SFTPA2: variants seen among roughly 807,000 people sequenced by gnomAD.
The protein encoded by SFTPA2 is pulmonary surfactant-associated protein A2.
A neutral mutation model predicts 20.3 loss-of-function variants in SFTPA2; 21 were observed. The observed-to-expected ratio is 1.03, with a 90% confidence interval of 0.73 to 1.49. The LOEUF is 1.49. Ranked by LOEUF, SFTPA2 falls within the 40% of genes most tolerant of loss-of-function variation. The pLI, the probability that SFTPA2 is intolerant of heterozygous loss-of-function variation, is 0.00. For missense variants in SFTPA2, 302 were observed against 314.8 expected (o/e 0.96, Z 0.31); for synonymous variants, 116 against 118.7 (o/e 0.98, Z 0.15).
In SFTPA2 at chr10:79,557,136, A is replaced by C; in HGVS notation, c.*73T>G. 1.2e-6 allele frequency: 2 copies of C among 1,612,712 alleles called. No individual in the cohort carries two copies. The highest frequency in any genetic ancestry group is 2.2e-5 in the South Asian group (2 of 90,894). ...TTGAAAGGGAGTTCTAGCATCTCAC[A>C]GACCAAGTGGATCCTGGGGATGGAA... On this transcript the variant is annotated 3_prime_UTR_variant, in exon 6 of 6. Coordinates refer to ENST00000372325, the MANE Select transcript of SFTPA2 (RefSeq NM_001098668.4).
In SFTPA2 at chr10:79,558,880, G is replaced by A; in HGVS notation, c.292+6C>T. 1 of 1,614,020 alleles carries A rather than the reference G, an allele frequency of 6.2e-7. No homozygotes were observed. On this transcript the variant is annotated splice_donor_region_variant and intron_variant, in intron 4 of 5. Coordinates refer to ENST00000372325, the MANE Select transcript of SFTPA2 (RefSeq NM_001098668.4). ...TTCCACTGCCCACCTGCCCCGCCCT[G>A]CTCACCTGGAGGGCCTCTCTCGCCA...
rs1010742102 is a variant in SFTPA2 at position 79,558,144 on chromosome 10, C to T, written c.293-15G>A. Reference sequence around the variant, plus strand: ...AGCTGGAAGCCCTGTGGAGAGTGCCCCACACAGAAGGAGGGGCAGGCCAGT... The same window carrying T: ...AGCTGGAAGCCCTGTGGAGAGTGCCTCACACAGAAGGAGGGGCAGGCCAGT... On this transcript the variant is annotated splice_polypyrimidine_tract_variant and intron_variant, in intron 4 of 5. Transcript: ENST00000372325. 2 of 1,613,798 alleles carry T rather than the reference C, an allele frequency of 1.2e-6. No individual in the cohort carries two copies. Among genetic ancestry groups the T allele is most frequent in the African/African-American group, 2.7e-5 (2 of 74,858 alleles).
At chr10:79,558,539 C>A (rs140077049) in intron 4 of SFTPA2, among the ~76,000 whole-genome samples, 5 of 151,596 alleles carry the variant, frequency 3.3e-5, no homozygotes, top group Non-Finnish European at 7.4e-5. Flanking sequence ...ACACCATCTG[C>A]CTGGATGCCT....
intron 5 of SFTPA2, 27 bp downstream of exon 5, chr10:79,558,025 C>T (rs1198031668): frequency 6.2e-7 from 1 of 1,613,928 alleles, no homozygotes. Context: ...AAACTCCTAC[C>T]CCGTGAGGCC....
rs1309418972 is a variant in SFTPA2 at position 79,555,959 on chromosome 10, G to A, written c.*1250C>T. 2 of 152,462 alleles carry A rather than the reference G, an allele frequency of 1.3e-5. No homozygotes were observed. The highest frequency in any genetic ancestry group is 4.1e-4 in the South Asian group (2 of 4,824). 9.4% of individuals were successfully genotyped at this position (152,462 alleles called of 1,614,324 possible). ...ATGAACTTCAGGTCCAGGAAGATGGGTTTGGATCCAGTCTTTGCCATTTGC... is the reference window on the plus strand; with the variant it reads ...ATGAACTTCAGGTCCAGGAAGATGGATTTGGATCCAGTCTTTGCCATTTGC... On this transcript the variant is annotated 3_prime_UTR_variant, in exon 6 of 6. Coordinates refer to ENST00000372325, the MANE Select transcript of SFTPA2 (RefSeq NM_001098668.4).
intron 5 of SFTPA2, 132 bp from the exon 6 acceptor site, chr10:79,557,717 T>C: frequency 9.1e-7 from 1 of 1,099,098 alleles, no homozygotes; most frequent in South Asian, 1.6e-5. Flanking sequence ...TCTCTTCCTC[T>C]TCCAATTGCA....
Position 79,557,050 on chromosome 10 carries a change from C to G in SFTPA2, c.*159G>C, listed in dbSNP as rs1293484372. 8.2e-7 allele frequency: 1 copy of G among 1,220,956 alleles called. No homozygotes were observed. Among genetic ancestry groups the G allele is most frequent in the Admixed American group, 2.1e-5 (1 of 46,984 alleles). 75.6% of individuals were successfully genotyped at this position (1,220,956 alleles called of 1,614,324 possible). ...AGTGATTATGGGGAAGAGTCAGGGC[C>G]CATCAGGGGAATGAAGTGGCTAAGG... On this transcript the variant is annotated 3_prime_UTR_variant, in exon 6 of 6. Transcript: ENST00000372325.
Position 79,557,517 on chromosome 10 carries a change from T to G in SFTPA2, c.439A>C (p.Thr147Pro), listed in dbSNP as rs1361601932. Residue 147 changes from threonine to proline, a missense_variant, in exon 6 of 6, where the codon ACT (threonine) becomes CCT (proline). Thr to Pro is a conservative substitution (Grantham distance 38). Around this residue, in one of 3 missense-constraint regions of SFTPA2, gnomAD observed 264 missense variants for 261.7 expected, o/e 1.01. Transcript: ENST00000372325. ...CATGCCTCCTGAATGGCATCAAAAG[T>G]GATGGACTGCCCATTGCTGGAGAAG... The part of the protein sequence containing the change: ...KVFSSNGQSI[T>P]FDAIQEACAR... The G allele has an allele frequency of 3.7e-6, 6 of 1,613,388 alleles. No homozygotes were observed. The South Asian group carries it at 5.5e-5, about 15-fold the overall frequency.
At chr10:79,560,107 G>T in intron 1 of SFTPA2, 109 bp from the exon 2 acceptor site, 1 of 875,342 alleles carries the variant, frequency 1.1e-6, no homozygotes, top group Non-Finnish European at 1.4e-6. Context: ...TTCCTCTTGG[G>T]GTCTGTTCTC....
chr10:79,559,388 G>T lies in SFTPA2; in HGVS notation c.96C>A (p.Ile32=), dbSNP rs1287373957. 4 of 1,613,648 alleles carry T rather than the reference G, an allele frequency of 2.5e-6. No individual in the cohort carries two copies. The highest frequency in any genetic ancestry group is 1.3e-5 in the African/African-American group (1 of 74,856). Residue 32 remains isoleucine (I), a synonymous_variant, in exon 3 of 6, where the codon ATC becomes ATA. Transcript: ENST00000372325. ...GGCCGTGGGATCCAGGAGTGCCGGG[G>T]ATACCAGGGCTTCCAACACAAACGT... ...VKDVCVGSPG[I]PGTPGSHGLP...
rs1975007 is a variant in SFTPA2, at chr10:79,559,727, A to G, written c.-23-221T>C. ...CGGCTGGAGGTTGTGGGGTCTCAAG[A>G]CTGCTGAGGAGGAGGAAGAGTAAGG... On this transcript the variant is annotated intron_variant, in intron 2 of 5. Coordinates refer to ENST00000372325, the MANE Select transcript of SFTPA2 (RefSeq NM_001098668.4). 1,464,764 of 1,545,498 alleles carry G rather than the reference A, an allele frequency of 0.95. 695,337 individuals are homozygous for G. Among genetic ancestry groups the G allele is most frequent in the East Asian group, 1 (40,849 of 40,872 alleles).
At position 79,557,178 on chromosome 10, in the gene SFTPA2, G is replaced by T. The variant is rs777398864; in HGVS notation, c.*31C>A. ...GGGATGGAAACTGAAGGCCAGACAG[G>T]ATCCTCCCTGTCCCATGGCCTAAAT... On this transcript the variant is annotated 3_prime_UTR_variant, in exon 6 of 6. Coordinates refer to ENST00000372325, the MANE Select transcript of SFTPA2 (RefSeq NM_001098668.4). 6.8e-6 allele frequency: 11 copies of T among 1,613,938 alleles called. No individual in the cohort carries two copies. The Admixed American group carries it at 1.7e-4, about 24-fold the overall frequency.
In SFTPA2 at chr10:79,556,691, GAGA is replaced by G. The variant is rs986195024; in HGVS notation, c.*515_*517del. 2 of 175,938 alleles carry G rather than the reference GAGA, an allele frequency of 1.1e-5. No individual in the cohort carries two copies. Among genetic ancestry groups the G allele is most frequent in the African/African-American group, 4.8e-5 (2 of 41,962 alleles). The allele number at this position is 175,938 out of a possible 1,614,324, so 10.9% of individuals were successfully genotyped here. A position where few individuals can be genotyped will look rare whatever the true frequency, so the allele number is the denominator to read the frequency against. Reference sequence around the variant, plus strand: ...CTGCCACAGAGACCTCAGAGTGCCAGAGAATCTCCACTGTGTCCTTAGCTCCAC... The same window carrying G: ...CTGCCACAGAGACCTCAGAGTGCCAGATCTCCACTGTGTCCTTAGCTCCAC... On this transcript the variant is annotated 3_prime_UTR_variant, in exon 6 of 6. Coordinates refer to ENST00000372325, the MANE Select transcript of SFTPA2 (RefSeq NM_001098668.4).
At chr10:79,558,719 C>T (rs879703276) in intron 4 of SFTPA2, among the ~76,000 whole-genome samples, 167 bp downstream of exon 4, 2 of 152,170 alleles carry the variant, frequency 1.3e-5, no homozygotes, top group Admixed American at 6.5e-5. Context: ...TGACCACACT[C>T]CCCAGACACC....
At chr10:79,559,615 G>A (rs944918203) in intron 2 of SFTPA2, 109 bp from the exon 3 acceptor site, 18 of 1,582,846 alleles carry the variant, frequency 1.1e-5, no homozygotes, top group East Asian at 9.2e-5. Context: ...CAGGGCGGGC[G>A]AGACCAGAGT....
At chr10:79,558,512 C>T (rs1279074445) in intron 4 of SFTPA2, among the ~76,000 whole-genome samples, 1 of 152,080 alleles carries the variant, frequency 6.6e-6, no homozygotes, top group African/African-American at 2.4e-5. Context: ...TCCCCTCTGT[C>T]TGTGGGGCTC....
chr10:79,558,729 C>G (rs1589225680), intron 4 of SFTPA2, among the ~76,000 whole-genome samples, 157 bp downstream of exon 4: 4 of 152,174 alleles, frequency 2.6e-5, no homozygotes, highest in African/African-American at 9.7e-5. Context: ...CCCCAGACAC[C>G]TCGGCTTTCT....
Position 79,558,097 on chromosome 10 carries a change from C to T in SFTPA2, c.325G>A (p.Ala109Thr). Residue 109 changes from alanine to threonine, a missense_variant, in exon 5 of 6, where the codon GCC becomes ACC. Around this residue, in one of 3 missense-constraint regions of SFTPA2, gnomAD observed 264 missense variants for 261.7 expected, o/e 1.01. Coordinates refer to ENST00000372325, the MANE Select transcript of SFTPA2 (RefSeq NM_001098668.4). ...TGATGTCTGAAGTCGTGGAGTGTGG[C>T]TTGGAGCTCCTCATCTAGATGAGCT... is the stretch of plus-strand genomic sequence containing the variant. ...LPAHLDEELQ[A>T]TLHDFRHQIL... The T allele has an allele frequency of 1.9e-6, 3 of 1,614,088 alleles. No individual in the cohort carries two copies. The highest frequency in any genetic ancestry group is 1.1e-5 in the South Asian group (1 of 91,074).
chr10:79,558,328 C>G lies in SFTPA2; in HGVS notation c.293-199G>C, dbSNP rs927650957. 2.5e-5 allele frequency: 21 copies of G among 843,216 alleles called. No individual in the cohort carries two copies. The Admixed American group carries it at 8.7e-4, about 35-fold the overall frequency. 52.2% of individuals were successfully genotyped at this position (843,216 alleles called of 1,614,324 possible). A position where few individuals can be genotyped will look rare whatever the true frequency, so the allele number is the denominator to read the frequency against. ...CGTGGTCCCCTATTCTTTAGTGAAG[C>G]CTTGCCCCTGCTGAGACCCCCACCC... On this transcript the variant is annotated intron_variant, in intron 4 of 5. Coordinates refer to ENST00000372325, the MANE Select transcript of SFTPA2 (RefSeq NM_001098668.4).
Sources: allele counts gnomAD v4.1 joint callset (sites outside exome capture counted in the v4.1 genomes callset), GRCh38; gene constraint gnomAD v4.1.1; regional missense constraint gnomAD v4.1.1; transcripts MANE v1.5; gene names NCBI Gene and HGNC (gene_info 2026-07-23, HGNC 2026-07-21).